The following TBC1D32 variants were observed in gnomAD, a reference collection of about 807,000 sequenced individuals.
The protein encoded by TBC1D32 is TBC1 domain family member 32.
In TBC1D32, 151 loss-of-function variants were observed where a neutral mutation model predicts 170.3. That is an observed-to-expected ratio of 0.89 (90% CI 0.78 to 1.01). TBC1D32 has a LOEUF of 1.01. Among genes scored for constraint, TBC1D32 ranks in the 50% least tolerant of loss-of-function variants. The probability of loss-of-function intolerance (pLI) is 0.00; values close to 1 mark genes in which losing one functional copy is unlikely to be tolerated. For synonymous variants in TBC1D32, 498 were observed against 488.0 expected, an observed-to-expected ratio of 1.02 and a Z score of -0.27; for missense variants, 1,464 against 1,457.1, an observed-to-expected ratio of 1.00 and a Z score of -0.08.
At chr6:121,263,821 C>G (rs535733492) in intron 15 of TBC1D32, among the ~76,000 whole-genome samples, 3 of 152,148 alleles carry the variant, frequency 2.0e-5, no homozygotes, top group Non-Finnish European at 4.4e-5. Context: ...ATTGAACAAC[C>G]TGCTCCTGAA....
At chr6:121,278,511 G>A (rs1583534442) in intron 15 of TBC1D32, among the ~76,000 whole-genome samples, 1 of 152,046 alleles carries the variant, frequency 6.6e-6, no homozygotes, top group Non-Finnish European at 1.5e-5. Flanking sequence ...GTTATTTATG[G>A]AGAGAAAATT....
intron 26 of TBC1D32, among the ~76,000 whole-genome samples, chr6:121,117,791 T>C (rs1779844017): frequency 6.6e-6 from 1 of 152,130 alleles, no homozygotes; most frequent in Non-Finnish European, 1.5e-5. Flanking sequence ...TCACTGTATA[T>C]CATTGATACA....
chr6:121,100,808 T>C (rs1777955518), intron 30 of TBC1D32, among the ~76,000 whole-genome samples: 1 of 151,886 alleles, frequency 6.6e-6, no homozygotes, highest in Admixed American at 6.6e-5. Flanking sequence ...GCTGTTTTTT[T>C]GAAAAGATCA....
chr6:121,144,377 GGCAGGACATT>G, intron 24 of TBC1D32, among the ~76,000 whole-genome samples: 1 of 152,246 alleles, frequency 6.6e-6, no homozygotes, highest in East Asian at 1.9e-4. Context: ...CTAAACACTT[GGCAGGACATT>G]GCAGCAGGTA....
At chr6:121,206,060 A>G (rs1792220605) in intron 21 of TBC1D32, among the ~76,000 whole-genome samples, 1 of 151,912 alleles carries the variant, frequency 6.6e-6, no homozygotes, top group South Asian at 2.1e-4. Flanking sequence ...AAATACAAAA[A>G]TTAGCCAGGT....
intron 17 of TBC1D32, among the ~76,000 whole-genome samples, chr6:121,252,403 G>A (rs753330246): frequency 6.6e-6 from 1 of 152,190 alleles, no homozygotes; most frequent in Non-Finnish European, 1.5e-5. Context: ...AAATGAATGA[G>A]TTCATGTCCT....
chr6:121,095,672 C>T (rs916908151), intron 30 of TBC1D32, among the ~76,000 whole-genome samples: 1 of 152,136 alleles, frequency 6.6e-6, no homozygotes, highest in Admixed American at 6.6e-5. Flanking sequence ...AAGGCTTTTA[C>T]TGCACCTATT....
intron 3 of TBC1D32, among the ~76,000 whole-genome samples, chr6:121,311,896 C>T (rs1047463582): frequency 6.6e-6 from 1 of 152,154 alleles, no homozygotes; most frequent in Non-Finnish European, 1.5e-5. Flanking sequence ...CCAGCAATCC[C>T]ATGCACACGT....
chr6:121,333,529 A>G (rs1419742598), intron 1 of TBC1D32, among the ~76,000 whole-genome samples: 1 of 152,174 alleles, frequency 6.6e-6, no homozygotes, highest in African/African-American at 2.4e-5. Context: ...TCACTTCGGT[A>G]TTCCCTTTGC....
At chr6:121,103,500 T>C (rs1055044036) in intron 30 of TBC1D32, among the ~76,000 whole-genome samples, 10 of 146,080 alleles carry the variant, frequency 6.8e-5, no homozygotes, top group African/African-American at 2.5e-4. Context: ...AACCAAACAC[T>C]GCATGTTCTC....
chr6:121,297,259 TA>T (rs1239052158), intron 10 of TBC1D32, among the ~76,000 whole-genome samples: 3 of 152,052 alleles, frequency 2.0e-5, no homozygotes, highest in African/African-American at 7.2e-5. Flanking sequence ...AAATTTGCTA[TA>T]AAACTCAGGA....
chr6:121,114,556 C>T (rs1246460900), intron 27 of TBC1D32, among the ~76,000 whole-genome samples: 1 of 152,106 alleles, frequency 6.6e-6, no homozygotes, highest in Admixed American at 6.6e-5. Flanking sequence ...TTTCATCATG[C>T]TGTGAATTTA....
chr6:121,198,297 T>G (rs1408898187), intron 22 of TBC1D32, among the ~76,000 whole-genome samples: 1 of 145,092 alleles, frequency 6.9e-6, no homozygotes, highest in Non-Finnish European at 1.5e-5. Context: ...CACACATATA[T>G]ATGTATCCTA....
intron 20 of TBC1D32, among the ~76,000 whole-genome samples, chr6:121,227,266 G>C (rs1795191504): frequency 6.6e-6 from 1 of 152,088 alleles, no homozygotes; most frequent in Non-Finnish European, 1.5e-5. Context: ...TTGTGCTGGT[G>C]GAGTGAGAGG....
chr6:121,333,115 G>T, intron 1 of TBC1D32, among the ~76,000 whole-genome samples: 1 of 152,116 alleles, frequency 6.6e-6, no homozygotes, highest in East Asian at 1.9e-4. Flanking sequence ...TTCCAGATAA[G>T]TAGAACTTCA....
In TBC1D32 at chr6:121,291,150, A is replaced by G. The variant is rs1309498058; in HGVS notation, c.1372+903T>C. On this transcript the variant is annotated intron_variant, in intron 12 of 31. Transcript: ENST00000398212. ...TGTACCCTAAAACTTAAAGTATAAT[A>G]AAAAAAAAAAGAAAGAAAGAAAACC... 2.8e-5 allele frequency among the ~76,000 whole-genome samples: 4 copies of G among 143,424 alleles called. No individual in the cohort carries two copies. The East Asian group carries it at 8.1e-4, about 29-fold the overall frequency. The allele number at this position is 143,424 out of a possible 152,430, so 94.1% of individuals were successfully genotyped here. A position where few individuals can be genotyped will look rare whatever the true frequency, so the allele number is the denominator to read the frequency against.
chr6:121,300,226 G>C (rs565989313), intron 9 of TBC1D32, among the ~76,000 whole-genome samples: 1 of 152,090 alleles, frequency 6.6e-6, no homozygotes, highest in South Asian at 2.1e-4. Context: ...GGCAAATCAC[G>C]AGGTCAGGAG....
intron 22 of TBC1D32, among the ~76,000 whole-genome samples, chr6:121,199,830 G>A (rs1206280092): frequency 6.6e-6 from 1 of 151,360 alleles, no homozygotes; most frequent in Non-Finnish European, 1.5e-5. Context: ...GTGATTTGTT[G>A]TGATGAAATA....
At chr6:121,162,955 G>A (rs1200889095) in intron 22 of TBC1D32, 2 of 104,140 alleles carry the variant, frequency 1.9e-5, no homozygotes, top group Non-Finnish European at 4.1e-5. Flanking sequence ...TCAAAGAAAG[G>A]GGTGACGGAC....
Sources: allele counts gnomAD v4.1 joint callset (sites outside exome capture counted in the v4.1 genomes callset), GRCh38; gene constraint gnomAD v4.1.1; transcripts MANE v1.5; gene names NCBI Gene and HGNC (gene_info 2026-07-23, HGNC 2026-07-21).